The following COL13A1 variants were observed in gnomAD, a reference collection of about 807,000 sequenced individuals.
COL13A1 encodes collagen type XIII alpha 1 chain.
In COL13A1, 89 loss-of-function variants were observed where a neutral mutation model predicts 130.9. The ratio of observed to expected loss-of-function variants is 0.68; its 90% CI spans 0.57 to 0.81. The LOEUF (loss-of-function observed/expected upper bound fraction) is 0.81, where lower values mean the gene tolerates loss of function less well. Among genes scored for constraint, COL13A1 ranks in the 30% least tolerant of loss-of-function variants. COL13A1 has a pLI of 0.00. For missense variants in COL13A1, 879 were observed against 934.6 expected, an observed-to-expected ratio of 0.94 and a Z score of 0.78; for synonymous variants, 402 against 341.6, an observed-to-expected ratio of 1.18 and a Z score of -1.95.
intron 2 of COL13A1, among the ~76,000 whole-genome samples, chr10:69,847,627 C>T (rs1237158787): frequency 6.6e-6 from 1 of 152,230 alleles, no homozygotes; most frequent in Non-Finnish European, 1.5e-5. Context: ...GGCCCTAAGC[C>T]TCCCAATAAA....
intron 31 of COL13A1, among the ~76,000 whole-genome samples, chr10:69,933,377 T>C (rs1016432731): frequency 1.3e-5 from 2 of 152,054 alleles, no homozygotes; most frequent in Non-Finnish European, 1.5e-5. Flanking sequence ...GAAAACAGAA[T>C]GGCTGAGTGA....
chr10:69,898,356 C>G (rs1005498476), intron 13 of COL13A1, among the ~76,000 whole-genome samples: 3 of 152,232 alleles, frequency 2.0e-5, no homozygotes, highest in Non-Finnish European at 4.4e-5. Context: ...GGAGGGCAAG[C>G]CTGGCCATGT....
intron 23 of COL13A1, 53 bp downstream of exon 23, chr10:69,922,847 C>A: frequency 7.8e-7 from 1 of 1,290,274 alleles, no homozygotes; most frequent in Non-Finnish European, 1.1e-6. Context: ...GGGACTTTGT[C>A]TTCAGCCTGT....
intron 10 of COL13A1, 143 bp downstream of exon 10, chr10:69,889,583 C>A: frequency 9.5e-7 from 1 of 1,057,906 alleles, no homozygotes; most frequent in Non-Finnish European, 1.4e-6. Context: ...GTGTAAACCA[C>A]ATGCCCTGGA....
At chr10:69,885,720 G>T (rs575988052) in intron 7 of COL13A1, among the ~76,000 whole-genome samples, 40 of 152,354 alleles carry the variant, frequency 2.6e-4, no homozygotes, top group African/African-American at 8.9e-4. Flanking sequence ...TTGGTGTGCA[G>T]AGTAGTTTAC....
intron 35 of COL13A1, among the ~76,000 whole-genome samples, chr10:69,941,330 G>A (rs886973593): frequency 6.6e-6 from 1 of 152,210 alleles, no homozygotes; most frequent in East Asian, 1.9e-4. Flanking sequence ...AGTCCAGCCT[G>A]GGTGCCCAGC....
intron 2 of COL13A1, among the ~76,000 whole-genome samples, chr10:69,853,683 A>G (rs537637373): frequency 6.6e-6 from 1 of 152,238 alleles, no homozygotes; most frequent in Non-Finnish European, 1.5e-5. Flanking sequence ...TCTAGTAACC[A>G]ACTCAAAGAT....
At chr10:69,832,513 G>C (rs1431857922) in intron 2 of COL13A1, among the ~76,000 whole-genome samples, 1 of 152,246 alleles carries the variant, frequency 6.6e-6, no homozygotes, top group Non-Finnish European at 1.5e-5. Flanking sequence ...CACAATGGTA[G>C]TGCGTCTGAC....
intron 2 of COL13A1, among the ~76,000 whole-genome samples, chr10:69,853,614 C>A (rs763229375): frequency 2.6e-5 from 4 of 151,958 alleles, no homozygotes; most frequent in African/African-American, 4.9e-5. Context: ...AGGAAAACTG[C>A]TAGATGTACA....
At chr10:69,822,292 C>A in intron 1 of COL13A1, 77 bp from the exon 2 acceptor site, 1 of 1,171,994 alleles carries the variant, frequency 8.5e-7, no homozygotes, top group Non-Finnish European at 1.2e-6. Flanking sequence ...CTGCCCTCCT[C>A]GTCAGCCCAC....
chr10:69,929,480 C>G (rs1045966697), intron 28 of COL13A1, among the ~76,000 whole-genome samples: 1 of 152,164 alleles, frequency 6.6e-6, no homozygotes, highest in Non-Finnish European at 1.5e-5. Flanking sequence ...TCTCATCTTT[C>G]AAGCCCAATT....
At chr10:69,824,051 C>G (rs1846855631) in intron 2 of COL13A1, 2 of 469,282 alleles carry the variant, frequency 4.3e-6, no homozygotes, top group South Asian at 1.6e-5. Context: ...ATATTTGAAG[C>G]CACAGAGGAT....
intron 1 of COL13A1, among the ~76,000 whole-genome samples, chr10:69,818,677 G>T (rs1251873704): frequency 1.3e-5 from 2 of 152,166 alleles, no homozygotes; most frequent in Non-Finnish European, 2.9e-5. Context: ...AAGCCTGAAG[G>T]GCCAAGAACC....
At chr10:69,899,039 T>G (rs75740312) in intron 14 of COL13A1, among the ~76,000 whole-genome samples, 3,842 of 152,276 alleles carry the variant, frequency 0.025, 79 homozygotes, top group South Asian at 0.078. Context: ...CTGGTTATAT[T>G]TCATTCACCA....
chr10:69,875,697 G>A (rs1282753231), intron 5 of COL13A1, among the ~76,000 whole-genome samples: 1 of 152,254 alleles, frequency 6.6e-6, no homozygotes, highest in Non-Finnish European at 1.5e-5. Context: ...TTTCTTGCAG[G>A]AAAGTGAAGA....
In COL13A1 at chr10:69,802,518, G is replaced by C; in HGVS notation, c.95G>C (p.Arg32Pro). Residue 32 changes from arginine to proline, a missense_variant, in exon 1 of 41, where the codon CGG (arginine) becomes CCG (proline). This residue lies in a region of COL13A1 where 715 missense variants were observed against 721.0 expected (regional missense o/e 0.99). Transcript: ENST00000645393. ...GGGACGGTGGCTCTGGTGGCGGCGC[G>C]GGCGGAGCGCGGCGCACGGCTGCCG... ...APGTVALVAA[R>P]AERGARLPSP... is the part of the protein sequence containing the mutation. 6.4e-7 allele frequency: 1 copy of C among 1,566,220 alleles called. No individual in the cohort carries two copies.
rs183376916 is a variant in COL13A1 at position 69,894,619 on chromosome 10, C to T, written c.630+41C>T. 10 of 1,613,996 alleles carry T rather than the reference C, an allele frequency of 6.2e-6. No individual in the cohort carries two copies. The African/African-American group carries it at 9.3e-5, about 15-fold the overall frequency. The stretch of plus-strand genomic sequence containing the variant: ...ATCTATTTCCCAGCAGAGAAGCTTC[C>T]GGTGGCTGTGACCTTAGCTTTGGTT... On this transcript the variant is annotated intron_variant, in intron 11 of 40. Transcript: ENST00000645393.
Position 69,878,070 on chromosome 10 carries a change from G to C in COL13A1, c.462+5G>C. ...AAGGGCCAACCAGGCGAGAAGGTGAGTCCACACTTTCCCCTTCTGCCCTGC... is the reference window on the plus strand; with the variant it reads ...AAGGGCCAACCAGGCGAGAAGGTGACTCCACACTTTCCCCTTCTGCCCTGC... On this transcript the variant is annotated splice_donor_5th_base_variant and intron_variant, in intron 6 of 40. Coordinates refer to ENST00000645393, the MANE Select transcript of COL13A1 (RefSeq NM_001368882.1). 1.4e-6 allele frequency: 1 copy of C among 702,968 alleles called. No homozygotes were observed. The allele number at this position is 702,968 out of a possible 1,614,324, so 43.5% of individuals were successfully genotyped here.
intron 35 of COL13A1, among the ~76,000 whole-genome samples, chr10:69,943,747 C>T (rs1177051719): frequency 6.6e-6 from 1 of 152,156 alleles, no homozygotes; most frequent in Non-Finnish European, 1.5e-5. Flanking sequence ...CCTCCCGCTG[C>T]ATGTGGAGCT....
Sources: gnomAD v4.1 joint callset for allele counts (sites outside exome capture counted in the v4.1 genomes callset) on GRCh38, gnomAD v4.1.1 for gene constraint, gnomAD v4.1.1 regional missense constraint, MANE v1.5 for transcripts, NCBI Gene and HGNC (gene_info 2026-07-23, HGNC 2026-07-21) for gene names.